PLAC1: variants seen among roughly 807,000 people sequenced by gnomAD.
The protein encoded by PLAC1 is placenta-specific protein 1.
For missense variants in PLAC1, 136 were observed against 163.2 expected (o/e 0.83, Z 0.91); for synonymous variants, 68 against 62.1 (o/e 1.09, Z -0.44).
At chrX:134,566,825 G>C (rs1040793793) in intron 2 of PLAC1, 85 bp from the exon 3 acceptor site, 1 of 462,999 alleles carries the variant, frequency 2.2e-6, no homozygotes, top group Non-Finnish European at 3.6e-6. Context: ...GCAAAGGGCT[G>C]TTCCTAAAGC....
chrX:134,724,774 G>T (rs1000961063), intron 2 of PLAC1, among the ~76,000 whole-genome samples: 6 of 111,958 alleles, frequency 5.4e-5, no homozygotes, highest in Admixed American at 2.8e-4. Flanking sequence ...AGGCCAAGGT[G>T]GGGGGATCAT....
At chrX:134,661,100 G>A (rs2078414950), upstream of PLAC1, among the ~76,000 whole-genome samples, 1 of 110,546 alleles carries the variant, frequency 9.0e-6, no homozygotes, top group Non-Finnish European at 1.9e-5. Flanking sequence ...CCTATAGGAT[G>A]TCCCCATCAC....
At chrX:134,620,653 C>A (rs1414309919) in intron 1 of PLAC1, among the ~76,000 whole-genome samples, 1 of 111,971 alleles carries the variant, frequency 8.9e-6, no homozygotes, top group Non-Finnish European at 1.9e-5. Context: ...CTCTATCAGA[C>A]AGGTGACAGT....
At chrX:134,618,150 T>G (rs1251986616) in intron 1 of PLAC1, among the ~76,000 whole-genome samples, 1 of 111,983 alleles carries the variant, frequency 8.9e-6, no homozygotes, top group Non-Finnish European at 1.9e-5. Context: ...CTCAACAGTT[T>G]CTAGCAGAGT....
At chrX:134,569,772 GTGTGTGTGTGTGTGTT>G (rs1347842246) in intron 2 of PLAC1, among the ~76,000 whole-genome samples, 33 of 104,737 alleles carry the variant, frequency 3.2e-4, no homozygotes, top group African/African-American at 1.0e-3. Flanking sequence ...GTGTGTGTGT[GTGTGTGTGTGTGTGTT>G]TGTGTGTGTG....
upstream of PLAC1, among the ~76,000 whole-genome samples, chrX:134,658,887 CA>C (rs933530772): frequency 8.9e-6 from 1 of 111,833 alleles, no homozygotes; most frequent in Non-Finnish European, 1.9e-5. Context: ...ATAGGGAATA[CA>C]AAAACAAATA....
intron 2 of PLAC1, among the ~76,000 whole-genome samples, chrX:134,679,257 G>A (rs927959810): frequency 1.3e-4 from 14 of 111,212 alleles, no homozygotes; most frequent in African/African-American, 4.3e-4. Flanking sequence ...TCAGGAGTTC[G>A]GTATTGTCTG....
upstream of PLAC1, among the ~76,000 whole-genome samples, chrX:134,659,598 T>A (rs906056672): frequency 1.8e-5 from 2 of 111,950 alleles, no homozygotes; most frequent in Non-Finnish European, 3.8e-5. Context: ...GGCAGTCACA[T>A]AACCCAAAGT....
At chrX:134,651,327 C>A in intron 1 of PLAC1, 1 of 182,020 alleles carries the variant, frequency 5.5e-6, no homozygotes, top group Non-Finnish European at 1.1e-5. Context: ...AACAATGTGG[C>A]ACACAAGGTT....
At chrX:134,606,736 A>G (rs2078124823) in intron 1 of PLAC1, among the ~76,000 whole-genome samples, 1 of 112,480 alleles carries the variant, frequency 8.9e-6, no homozygotes, top group Non-Finnish European at 1.9e-5. Flanking sequence ...ATAAATCATT[A>G]TATGACAAAG....
At chrX:134,579,977 T>G (rs1343690816) in intron 2 of PLAC1, among the ~76,000 whole-genome samples, 1 of 111,943 alleles carries the variant, frequency 8.9e-6, no homozygotes, top group Non-Finnish European at 1.9e-5. Context: ...TAAATAGATA[T>G]AGATGGGCCG....
At chrX:134,575,625 C>T (rs2077934606) in intron 2 of PLAC1, among the ~76,000 whole-genome samples, 1 of 109,133 alleles carries the variant, frequency 9.2e-6, no homozygotes, top group East Asian at 2.9e-4. Flanking sequence ...AAAAATTAGC[C>T]AGGCGTGGTG....
chrX:134,720,881 C>A (rs1198606146), intron 2 of PLAC1, among the ~76,000 whole-genome samples: 1 of 112,043 alleles, frequency 8.9e-6, no homozygotes, highest in Non-Finnish European at 1.9e-5. Flanking sequence ...TGTTCTCAAA[C>A]TCCTGGGCTC....
At chrX:134,753,534 A>G (rs1386186418) in intron 1 of PLAC1, among the ~76,000 whole-genome samples, 5 of 110,297 alleles carry the variant, frequency 4.5e-5, no homozygotes, top group Non-Finnish European at 9.4e-5. Context: ...AATAAGCCCA[A>G]CGACATCAAC....
chrX:134,718,079 T>C (rs1400510608), intron 2 of PLAC1, among the ~76,000 whole-genome samples: 2 of 111,798 alleles, frequency 1.8e-5, no homozygotes, highest in Non-Finnish European at 3.8e-5. Context: ...GTAAATGAAC[T>C]CAAGTCTTGG....
At chrX:134,745,902 T>C (rs1158649956) in intron 1 of PLAC1, among the ~76,000 whole-genome samples, 1 of 111,817 alleles carries the variant, frequency 8.9e-6, no homozygotes, top group Non-Finnish European at 1.9e-5. Flanking sequence ...GTCCAGTTCC[T>C]TCCTTTCCCA....
chrX:134,673,363 G>A (rs779334875), intron 2 of PLAC1, among the ~76,000 whole-genome samples: 1 of 107,442 alleles, frequency 9.3e-6, no homozygotes, highest in South Asian at 4.3e-4. Flanking sequence ...AGGAAGGAAG[G>A]AAGAGACAGA....
At chrX:134,706,421 C>T (rs1255652180) in intron 2 of PLAC1, among the ~76,000 whole-genome samples, 1 of 112,195 alleles carries the variant, frequency 8.9e-6, no homozygotes, top group Non-Finnish European at 1.9e-5. Flanking sequence ...GTGGTGCCTC[C>T]TCTTCCACCA....
chrX:134,762,204 C>G (rs750440199), intron 1 of PLAC1, among the ~76,000 whole-genome samples: 9 of 107,068 alleles, frequency 8.4e-5, no homozygotes, highest in African/African-American at 2.8e-4. Flanking sequence ...GCACCCCCCC[C>G]CCAATGACCA....
Sources: allele counts gnomAD v4.1 joint callset (sites outside exome capture counted in the v4.1 genomes callset), GRCh38; gene constraint gnomAD v4.1.1; transcripts MANE v1.5; gene names NCBI Gene and HGNC (gene_info 2026-07-23, HGNC 2026-07-21).